The following NREP variants were observed in gnomAD, a reference collection of about 807,000 sequenced individuals.
NREP encodes the protein neuronal regeneration-related protein.
Under a neutral mutation model 8.6 loss-of-function variants are expected in NREP, and 5 were observed. The ratio of observed to expected loss-of-function variants is 0.58; its 90% CI spans 0.30 to 1.22. The LOEUF (loss-of-function observed/expected upper bound fraction) is 1.22. NREP is among the 50% of genes most tolerant of loss of function. The pLI, the probability that NREP is intolerant of heterozygous loss-of-function variation, is 0.07. For synonymous variants in NREP, 27 were observed against 28.0 expected (o/e 0.96, Z 0.11); for missense variants, 86 against 82.5 (o/e 1.04, Z -0.17).
chr5:111,825,778 C>T (rs150724843), intron 2 of NREP, among the ~76,000 whole-genome samples: 22 of 152,188 alleles, frequency 1.4e-4, no homozygotes, highest in South Asian at 1.2e-3. Context: ...CCAGGAGAAC[C>T]AGCTTCTAAC....
chr5:111,782,103 C>A (rs1751507357), intron 2 of NREP, among the ~76,000 whole-genome samples: 1 of 152,326 alleles, frequency 6.6e-6, no homozygotes, highest in Middle Eastern at 3.4e-3. Context: ...ATATGCTTAG[C>A]ATAGCACCTA....
intron 2 of NREP, among the ~76,000 whole-genome samples, chr5:111,743,156 GA>G (rs60591292): frequency 0.69 from 105,339 of 151,768 alleles, 38,100 homozygotes; most frequent in South Asian, 0.82. Context: ...CAAACAATGG[GA>G]AAAAAATAAA....
At chr5:111,775,539 C>T (rs1033074206) in intron 2 of NREP, among the ~76,000 whole-genome samples, 2 of 152,162 alleles carry the variant, frequency 1.3e-5, no homozygotes, top group East Asian at 3.8e-4. Flanking sequence ...TACTTTTATA[C>T]ATGCGGTCTT....
chr5:111,810,896 C>T (rs188201533), intron 2 of NREP, among the ~76,000 whole-genome samples: 1 of 152,234 alleles, frequency 6.6e-6, no homozygotes, highest in Admixed American at 6.5e-5. Context: ...CTTTCAAGTG[C>T]ATTACAAGTA....
chr5:111,778,509 T>C (rs567980073), intron 2 of NREP, among the ~76,000 whole-genome samples: 4 of 152,302 alleles, frequency 2.6e-5, no homozygotes, highest in African/African-American at 9.6e-5. Context: ...GTCAGTAGTA[T>C]GAATTCCTTA....
intron 2 of NREP, among the ~76,000 whole-genome samples, chr5:111,954,292 A>C (rs151048297): frequency 8.8e-4 from 134 of 152,242 alleles, no homozygotes; most frequent in African/African-American, 3.2e-3. Context: ...AATTACAGGG[A>C]AGCAGATTAC....
chr5:111,773,485 T>C (rs1272515628), intron 2 of NREP, among the ~76,000 whole-genome samples: 3 of 152,200 alleles, frequency 2.0e-5, no homozygotes, highest in Non-Finnish European at 4.4e-5. Flanking sequence ...AATTAGAAGA[T>C]GATTATTTAT....
chr5:111,759,521 T>C (rs1178985922), upstream of NREP, among the ~76,000 whole-genome samples: 6 of 152,026 alleles, frequency 3.9e-5, no homozygotes. Flanking sequence ...CCCAAAGTGC[T>C]GGGATTACAG....
chr5:111,963,901 A>T lies in NREP; in HGVS notation c.135+11373T>A, dbSNP rs150802674. Among the ~76,000 whole-genome samples, 313 of 152,312 alleles carry T rather than the reference A, an allele frequency of 2.1e-3. 3 individuals are homozygous for T. Among genetic ancestry groups the T allele is most frequent in the African/African-American group, 7.0e-3 (291 of 41,564 alleles). On this transcript the variant is annotated intron_variant, in intron 2 of 3. Coordinates refer to the NREP transcript ENST00000395634. Reference sequence around the variant, plus strand: ...ACCACTCAACACTGCCTGTGTTGGTAAGGACTTTTTAAAAAATTCTATTGA... The same window carrying T: ...ACCACTCAACACTGCCTGTGTTGGTTAGGACTTTTTAAAAAATTCTATTGA...
intron 2 of NREP, among the ~76,000 whole-genome samples, chr5:111,878,508 G>A (rs1281447356): frequency 3.9e-5 from 6 of 152,122 alleles, no homozygotes; most frequent in Admixed American, 1.3e-4. Context: ...CTCCCATCAG[G>A]TCTCTCCCTT....
chr5:111,854,538 G>A (rs1753383670), intron 2 of NREP, among the ~76,000 whole-genome samples: 1 of 152,138 alleles, frequency 6.6e-6, no homozygotes, highest in Non-Finnish European at 1.5e-5. Context: ...TGAAACATGT[G>A]GGTTAGACTA....
intron 2 of NREP, among the ~76,000 whole-genome samples, chr5:111,859,073 A>T (rs1753489094): frequency 6.6e-6 from 1 of 152,150 alleles, no homozygotes; most frequent in African/African-American, 2.4e-5. Flanking sequence ...TGCCTCTGGT[A>T]TCCTCTACCA....
At chr5:111,763,226 A>G (rs1751005628) in intron 2 of NREP, among the ~76,000 whole-genome samples, 1 of 152,238 alleles carries the variant, frequency 6.6e-6, no homozygotes, top group South Asian at 2.1e-4. Flanking sequence ...AGGGAGGAAC[A>G]CAAAATATCA....
chr5:111,819,428 T>C (rs1354000634), intron 2 of NREP, among the ~76,000 whole-genome samples: 2 of 152,194 alleles, frequency 1.3e-5, no homozygotes. Flanking sequence ...TCCAGGTGTG[T>C]TCCCGCCATT....
chr5:111,933,686 T>A (rs927946472), intron 2 of NREP, among the ~76,000 whole-genome samples: 1 of 152,072 alleles, frequency 6.6e-6, no homozygotes, highest in Non-Finnish European at 1.5e-5. Context: ...CAATTTCCCA[T>A]ATCCAATTCA....
intron 2 of NREP, among the ~76,000 whole-genome samples, chr5:111,782,859 C>CGAGT (rs1297366995): frequency 6.6e-6 from 1 of 151,850 alleles, no homozygotes; most frequent in Admixed American, 6.6e-5. Context: ...CTCAGTCTCC[C>CGAGT]GAGTAGCTGT....
At chr5:111,954,927 G>T (rs1245134276) in intron 2 of NREP, among the ~76,000 whole-genome samples, 1 of 152,184 alleles carries the variant, frequency 6.6e-6, no homozygotes, top group Non-Finnish European at 1.5e-5. Context: ...ATTGCTGGCT[G>T]CCAAGGAAGA....
At chr5:111,964,650 G>C (rs909585376) in intron 2 of NREP, among the ~76,000 whole-genome samples, 5 of 151,942 alleles carry the variant, frequency 3.3e-5, no homozygotes, top group Admixed American at 2.6e-4. Flanking sequence ...GATTACAGGA[G>C]TGAGCTACCA....
chr5:111,949,319 T>C (rs1353058831), intron 2 of NREP, among the ~76,000 whole-genome samples: 1 of 151,702 alleles, frequency 6.6e-6, no homozygotes, highest in Non-Finnish European at 1.5e-5. Flanking sequence ...AAAACTGCAG[T>C]CTAGTGCACA....
Sources: gnomAD v4.1 joint callset for allele counts (sites outside exome capture counted in the v4.1 genomes callset) on GRCh38, gnomAD v4.1.1 for gene constraint, MANE v1.5 for transcripts, NCBI Gene and HGNC (gene_info 2026-07-23, HGNC 2026-07-21) for gene names.